ZC3H12B: variants seen among roughly 807,000 people sequenced by gnomAD.
The protein encoded by ZC3H12B is zinc finger CCCH-type containing 12B.
Under a neutral mutation model 43.9 loss-of-function variants are expected in ZC3H12B, and 7 were observed. The observed-to-expected ratio is 0.16, with a 90% CI of 0.09 to 0.30. ZC3H12B has a LOEUF of 0.30. Ranked by LOEUF, ZC3H12B falls within the 10% of genes least tolerant of loss-of-function variation. ZC3H12B has a pLI of 1.00. For missense variants in ZC3H12B, 475 were observed against 670.2 expected (o/e 0.71, Z 3.22); for synonymous variants, 222 against 241.7 (o/e 0.92, Z 0.76).
At chrX:65,159,252 G>A in the ZC3H12B span, among the ~76,000 whole-genome samples, 4 of 111,871 alleles carry the variant, frequency 3.6e-5, no homozygotes, top group African/African-American at 1.3e-4. Context: ...ACTTGGCGAT[G>A]CGGGCTCTTC....
intron 3 of ZC3H12B, among the ~76,000 whole-genome samples, chrX:65,462,123 C>T (rs1602488253): frequency 9.0e-6 from 1 of 111,169 alleles, no homozygotes; most frequent in East Asian, 2.8e-4. Flanking sequence ...AAATATGATT[C>T]AATTGCCTAT....
chrX:65,294,002 G>T, the ZC3H12B span, among the ~76,000 whole-genome samples: 2 of 111,392 alleles, frequency 1.8e-5, no homozygotes, highest in Admixed American at 1.9e-4. Context: ...GAAGCTCAAA[G>T]AACGCCCAGG....
chrX:65,059,133 T>C, the ZC3H12B span, among the ~76,000 whole-genome samples: 1 of 110,344 alleles, frequency 9.1e-6, no homozygotes, highest in Non-Finnish European at 1.9e-5. Context: ...GTACCTCAGT[T>C]CACAATGCAG....
intron 2 of ZC3H12B, among the ~76,000 whole-genome samples, chrX:65,369,279 C>T (rs2066214232): frequency 9.0e-6 from 1 of 111,576 alleles, no homozygotes. Context: ...TGGAACTTTA[C>T]AAATCAAGTA....
At chrX:65,308,380 CA>C in the ZC3H12B span, among the ~76,000 whole-genome samples, 1 of 110,759 alleles carries the variant, frequency 9.0e-6, no homozygotes, top group African/African-American at 3.3e-5. Flanking sequence ...CAACAAAGAT[CA>C]AAAGAGACAA....
chrX:65,102,989 G>A, the ZC3H12B span, among the ~76,000 whole-genome samples: 4 of 111,628 alleles, frequency 3.6e-5, no homozygotes, highest in Non-Finnish European at 7.5e-5. Flanking sequence ...GATCACAGGA[G>A]CGGGGTGAAA....
the ZC3H12B span, among the ~76,000 whole-genome samples, chrX:65,211,419 T>C: frequency 9.2e-6 from 1 of 108,565 alleles, no homozygotes; most frequent in East Asian, 2.8e-4. Flanking sequence ...TGCCATTTAC[T>C]GAACACTTAG....
At chrX:65,224,382 C>T in the ZC3H12B span, among the ~76,000 whole-genome samples, 2 of 112,126 alleles carry the variant, frequency 1.8e-5, no homozygotes, top group African/African-American at 6.5e-5. Context: ...TCTCTGAAAT[C>T]GGGGGAGGGA....
chrX:65,070,473 T>C, the ZC3H12B span, among the ~76,000 whole-genome samples: 1 of 111,594 alleles, frequency 9.0e-6, no homozygotes, highest in Non-Finnish European at 1.9e-5. Context: ...TGTCTTCTGC[T>C]AGCTTTGAGA....
the ZC3H12B span, among the ~76,000 whole-genome samples, chrX:65,035,750 C>T: frequency 1.8e-5 from 2 of 111,141 alleles, no homozygotes; most frequent in African/African-American, 6.6e-5. Context: ...TGTTGCTACT[C>T]GTGTGCTAAG....
the ZC3H12B span, among the ~76,000 whole-genome samples, chrX:65,107,417 G>A: frequency 9.0e-6 from 1 of 111,551 alleles, no homozygotes; most frequent in Non-Finnish European, 1.9e-5. Context: ...GGGCACCATT[G>A]GAGTACAGTC....
chrX:65,422,952 A>G (rs1164693298), intron 3 of ZC3H12B, among the ~76,000 whole-genome samples: 1 of 19,833 alleles, frequency 5.0e-5, no homozygotes, highest in Non-Finnish European at 8.5e-5. Context: ...TTTTTTTTTG[A>G]GATGGATTCT....
chrX:65,218,223 T>C, the ZC3H12B span, among the ~76,000 whole-genome samples: 1 of 111,869 alleles, frequency 8.9e-6, no homozygotes, highest in African/African-American at 3.2e-5. Context: ...AGCTCCCTCT[T>C]AGATGGACAG....
the ZC3H12B span, among the ~76,000 whole-genome samples, chrX:65,221,621 A>G: frequency 9.0e-6 from 1 of 110,646 alleles, no homozygotes; most frequent in Non-Finnish European, 1.9e-5. Context: ...GAAATATGCA[A>G]CCCTCCTAAA....
chrX:65,264,888 CAAAT>C, the ZC3H12B span, among the ~76,000 whole-genome samples: 4 of 111,208 alleles, frequency 3.6e-5, no homozygotes, highest in Non-Finnish European at 7.6e-5. Context: ...AGGAGACCCC[CAAAT>C]AAATAGAATC....
intron 2 of ZC3H12B, among the ~76,000 whole-genome samples, chrX:65,389,458 G>A (rs1489531778): frequency 8.9e-6 from 1 of 112,631 alleles, no homozygotes; most frequent in Admixed American, 9.3e-5. Context: ...TAATCTCCTG[G>A]TGTACCATTT....
the ZC3H12B span, among the ~76,000 whole-genome samples, chrX:65,168,317 G>A: frequency 5.4e-5 from 6 of 111,051 alleles, no homozygotes; most frequent in Non-Finnish European, 7.6e-5. Flanking sequence ...TCTTTGGTTC[G>A]GTTTATATGC....
the ZC3H12B span, among the ~76,000 whole-genome samples, chrX:65,254,624 A>C: frequency 3.6e-5 from 4 of 112,643 alleles, no homozygotes; most frequent in Non-Finnish European, 7.5e-5. Context: ...AAGCAGCACA[A>C]GAACCCTAGT....
the ZC3H12B span, among the ~76,000 whole-genome samples, chrX:65,119,254 A>C: frequency 9.0e-6 from 1 of 111,622 alleles, no homozygotes; most frequent in Non-Finnish European, 1.9e-5. Flanking sequence ...GAACTAGTTT[A>C]CAGTCCCACC....
Sources: gnomAD v4.1 joint callset for allele counts (sites outside exome capture counted in the v4.1 genomes callset) on GRCh38, gnomAD v4.1.1 for gene constraint, MANE v1.5 for transcripts, NCBI Gene and HGNC (gene_info 2026-07-23, HGNC 2026-07-21) for gene names.